FOXN3: variants seen among roughly 807,000 people sequenced by gnomAD.
FOXN3 encodes forkhead box protein N3.
Under a neutral mutation model 38.4 loss-of-function variants are expected in FOXN3, and 7 were observed. The ratio of observed to expected loss-of-function variants is 0.18; its 90% confidence interval spans 0.10 to 0.34. The LOEUF (loss-of-function observed/expected upper bound fraction) is 0.34, where lower values mean the gene tolerates loss of function less well. Among genes scored for constraint, FOXN3 ranks in the 10% least tolerant of loss-of-function variants. FOXN3 has a pLI of 1.00. For synonymous variants in FOXN3, 230 were observed against 242.2 expected, an observed-to-expected ratio of 0.95 and a Z score of 0.47; for missense variants, 456 against 613.4, an observed-to-expected ratio of 0.74 and a Z score of 2.71.
chr14:89,183,437 G>GTAAC (rs973570085), intron 4 of FOXN3, among the ~76,000 whole-genome samples: 4 of 152,062 alleles, frequency 2.6e-5, no homozygotes, highest in Non-Finnish European at 4.4e-5. Flanking sequence ...GGGATATAAG[G>GTAAC]TAACTACAAG....
intron 3 of FOXN3, 180 bp downstream of exon 3, chr14:89,350,492 C>T (rs571264518): frequency 3.5e-5 from 16 of 463,754 alleles, no homozygotes; most frequent in African/African-American, 1.8e-4. Flanking sequence ...GCTGCAGCAG[C>T]GGTAAGGTTT....
At chr14:89,280,215 T>C (rs568289991) in intron 4 of FOXN3, among the ~76,000 whole-genome samples, 1 of 152,320 alleles carries the variant, frequency 6.6e-6, no homozygotes, top group East Asian at 1.9e-4. Context: ...AACCCCAAAG[T>C]AATTTCTAAA....
chr14:89,246,476 T>A (rs983856106), intron 4 of FOXN3, among the ~76,000 whole-genome samples: 2 of 151,354 alleles, frequency 1.3e-5, no homozygotes, highest in East Asian at 3.9e-4. Context: ...GGGCAGAGAA[T>A]CTCATCTGAG....
At chr14:89,495,575 TTAAC>T (rs1480131282) in intron 1 of FOXN3, among the ~76,000 whole-genome samples, 1 of 152,192 alleles carries the variant, frequency 6.6e-6, no homozygotes, top group Non-Finnish European at 1.5e-5. Context: ...GGATTACCCT[TTAAC>T]TAATCACAAC....
chr14:89,480,387 G>A (rs1343121647), intron 1 of FOXN3, among the ~76,000 whole-genome samples: 2 of 147,606 alleles, frequency 1.4e-5, no homozygotes, highest in African/African-American at 5.0e-5. Flanking sequence ...TGGGCAAGAA[G>A]AGCAAAACTC....
At position 89,466,236 on chromosome 14, in the gene FOXN3, C is replaced by T. The variant is rs147976953; in HGVS notation, c.-14-53746G>A. Among the ~76,000 whole-genome samples, 501 of 152,190 alleles carry T rather than the reference C, an allele frequency of 3.3e-3. 2 individuals are homozygous for T. The highest frequency in any genetic ancestry group is 4.7e-3 in the Non-Finnish European group (319 of 68,014). The stretch of plus-strand genomic sequence containing the variant: ...GTGCCTTCCGAAATTACAACTTGGT[C>T]GTCTAAGGCATTCAAGTTGATCCGC... On this transcript the variant is annotated intron_variant, in intron 1 of 6. Coordinates refer to the FOXN3 transcript ENST00000345097.
intron 1 of FOXN3, among the ~76,000 whole-genome samples, chr14:89,568,942 C>T (rs921615744): frequency 2.8e-4 from 43 of 152,312 alleles, no homozygotes; most frequent in Middle Eastern, 3.4e-3. Context: ...CGGTGGCTCA[C>T]GCCTGTAATC....
chr14:89,265,423 T>C (rs1419621420), intron 4 of FOXN3, among the ~76,000 whole-genome samples: 6 of 152,068 alleles, frequency 3.9e-5, no homozygotes, highest in African/African-American at 1.4e-4. Flanking sequence ...ATTTCCCCAG[T>C]GTTCACTGGA....
intron 1 of FOXN3, among the ~76,000 whole-genome samples, chr14:89,560,142 A>G (rs1895217724): frequency 6.6e-6 from 1 of 152,102 alleles, no homozygotes; most frequent in South Asian, 2.1e-4. Flanking sequence ...GGAGAGAGAG[A>G]AGGGGGGAGT....
At chr14:89,311,970 G>A (rs576367594) in intron 3 of FOXN3, among the ~76,000 whole-genome samples, 1 of 152,116 alleles carries the variant, frequency 6.6e-6, no homozygotes, top group Non-Finnish European at 1.5e-5. Flanking sequence ...TTCAAACCCG[G>A]ATGCAAAGAA....
chr14:89,567,098 C>T (rs1895370268), intron 1 of FOXN3, among the ~76,000 whole-genome samples: 3 of 152,172 alleles, frequency 2.0e-5, no homozygotes, highest in African/African-American at 7.2e-5. Context: ...CAGGTGCGTT[C>T]CCTAAAACTA....
intron 4 of FOXN3, among the ~76,000 whole-genome samples, chr14:89,243,727 C>G (rs1396341023): frequency 6.6e-6 from 1 of 152,154 alleles, no homozygotes; most frequent in African/African-American, 2.4e-5. Flanking sequence ...CAATGTCAAC[C>G]ACAATAACAG....
intron 4 of FOXN3, among the ~76,000 whole-genome samples, chr14:89,256,936 G>T (rs1596135701): frequency 1.3e-5 from 2 of 152,296 alleles, no homozygotes; most frequent in East Asian, 3.9e-4. Context: ...ATCAGAAGAA[G>T]CTATAAAAAG....
At position 89,412,502 on chromosome 14, in the gene FOXN3, A is replaced by G; in HGVS notation, c.-14-12T>C. 2.6e-6 allele frequency: 4 copies of G among 1,565,758 alleles called. No individual in the cohort carries two copies. The highest frequency in any genetic ancestry group is 2.6e-6 in the Non-Finnish European group (3 of 1,154,636). ...TTACGTGAAGGCTCCTAGTAAAGAC[A>G]TCACAAAGAAATGATGAGCTGGCGA... On this transcript the variant is annotated splice_polypyrimidine_tract_variant and intron_variant, in intron 1 of 5. Transcript: ENST00000557258. This position sits in a 1 kb window ranked among gnomAD's most constrained non-coding sequence, Gnocchi z 4.7.
chr14:89,348,925 G>A (rs1200237571), intron 3 of FOXN3, among the ~76,000 whole-genome samples: 2 of 152,050 alleles, frequency 1.3e-5, no homozygotes, highest in Admixed American at 6.6e-5. Flanking sequence ...GGTCACATTT[G>A]GCAACAAAAT....
intron 1 of FOXN3, among the ~76,000 whole-genome samples, chr14:89,433,783 G>T (rs1482233235): frequency 1.3e-5 from 2 of 151,024 alleles, no homozygotes; most frequent in South Asian, 2.1e-4. Flanking sequence ...CTTCACTCCA[G>T]CCTGGGTGAA....
At chr14:89,415,382 C>T (rs1891665367) in intron 1 of FOXN3, among the ~76,000 whole-genome samples, 1 of 152,092 alleles carries the variant, frequency 6.6e-6, no homozygotes, top group African/African-American at 2.4e-5. Flanking sequence ...TTGTTTTAAA[C>T]AAACACTGCC....
rs1887081614 is a variant in FOXN3 at position 89,160,898 on chromosome 14, C to CA, written c.*1515dup. ...AAATAACCCGAAAAAAAAACAAAAA[C>CA]AAAAAACAAAAACAAAAACAAAAAG... On this transcript the variant is annotated 3_prime_UTR_variant, in exon 6 of 6. Transcript: ENST00000557258. 2 of 147,322 alleles carry CA rather than the reference C, an allele frequency of 1.4e-5. No individual in the cohort carries two copies. Among genetic ancestry groups the CA allele is most frequent in the East Asian group, 2.0e-4 (1 of 5,052 alleles). The allele number at this position is 147,322 out of a possible 1,614,324, so 9.1% of individuals were successfully genotyped here.
At chr14:89,610,666 C>T (rs1425024245) in intron 1 of FOXN3, among the ~76,000 whole-genome samples, 2 of 152,198 alleles carry the variant, frequency 1.3e-5, no homozygotes, top group Non-Finnish European at 2.9e-5. Flanking sequence ...AAAAGAGCCA[C>T]ATTTGGGGAT....
Sources: allele counts gnomAD v4.1 joint callset (sites outside exome capture counted in the v4.1 genomes callset), GRCh38; gene constraint gnomAD v4.1.1; non-coding constraint Gnocchi (gnomAD v3.1); transcripts MANE v1.5; gene names NCBI Gene and HGNC (gene_info 2026-07-23, HGNC 2026-07-21).